Variants in OLA1 observed in about 807,000 individuals in gnomAD.
OLA1 encodes obg-like ATPase 1.
In OLA1, 14 loss-of-function variants were observed where a neutral mutation model predicts 48.4. The ratio of observed to expected loss-of-function variants is 0.29; its 90% CI spans 0.19 to 0.45. OLA1 has a LOEUF of 0.45. OLA1 is among the 20% of genes least tolerant of loss of function. OLA1 has a pLI of 1.00. For synonymous variants in OLA1, 127 were observed against 150.4 expected (o/e 0.84, Z 1.14); for missense variants, 325 against 467.1 (o/e 0.70, Z 2.80).
intron 4 of OLA1, among the ~76,000 whole-genome samples, chr2:174,216,527 A>G (rs1358165397): frequency 6.6e-6 from 1 of 152,144 alleles, no homozygotes; most frequent in Non-Finnish European, 1.5e-5. Flanking sequence ...TCAATAAAAT[A>G]CAGTATAGTA....
chr2:174,110,479 C>G (rs1177566963), intron 7 of OLA1, among the ~76,000 whole-genome samples: 1 of 151,604 alleles, frequency 6.6e-6, no homozygotes, highest in African/African-American at 2.4e-5. Flanking sequence ...GGGTGTCACT[C>G]TGTCACCCAG....
intron 7 of OLA1, among the ~76,000 whole-genome samples, chr2:174,086,711 C>T (rs918976459): frequency 3.9e-5 from 6 of 152,152 alleles, no homozygotes; most frequent in African/African-American, 9.7e-5. Flanking sequence ...ACAGTGGATA[C>T]GCTGGACAAA....
intron 4 of OLA1, among the ~76,000 whole-genome samples, chr2:174,173,366 C>T (rs1206060330): frequency 6.6e-6 from 1 of 152,212 alleles, no homozygotes; most frequent in Non-Finnish European, 1.5e-5. Context: ...GAACTATTTT[C>T]ATTACCTATA....
intron 7 of OLA1, among the ~76,000 whole-genome samples, chr2:174,096,551 C>T (rs751045817): frequency 6.6e-6 from 1 of 151,960 alleles, no homozygotes; most frequent in Non-Finnish European, 1.5e-5. Context: ...ATAGTATGGG[C>T]CAATAGAAAA....
At position 174,242,946 on chromosome 2, in the gene OLA1, C is replaced by T. The variant is rs186455654; in HGVS notation, c.101+3769G>A. 5.8e-4 allele frequency among the ~76,000 whole-genome samples: 88 copies of T among 152,220 alleles called. 1 individual carries two copies. The East Asian group carries it at 0.013, about 23-fold the overall frequency. On this transcript the variant is annotated intron_variant, in intron 2 of 10. Coordinates refer to ENST00000284719, the MANE Select transcript of OLA1 (RefSeq NM_013341.5). The stretch of plus-strand genomic sequence containing the variant: ...CATTTAATTGCCCAGCACGGTGGCT[C>T]ACACCTGTAATTCCAGCAGGCGTGA...
chr2:174,087,697 C>T (rs1685015416), intron 7 of OLA1, among the ~76,000 whole-genome samples: 3 of 152,052 alleles, frequency 2.0e-5, no homozygotes, highest in Admixed American at 2.0e-4. Flanking sequence ...AAAACACAAC[C>T]CTGAAATAGT....
chr2:174,089,037 T>C (rs1685046049), intron 7 of OLA1, among the ~76,000 whole-genome samples: 1 of 151,716 alleles, frequency 6.6e-6, no homozygotes, highest in Non-Finnish European at 1.5e-5. Context: ...ATCACTTGAG[T>C]GTGTGATAGA....
intron 7 of OLA1, among the ~76,000 whole-genome samples, chr2:174,088,672 T>A (rs1332765601): frequency 6.6e-6 from 1 of 152,130 alleles, no homozygotes; most frequent in Non-Finnish European, 1.5e-5. Context: ...ACCAAAAAAG[T>A]AAATTCTAGT....
intron 4 of OLA1, among the ~76,000 whole-genome samples, chr2:174,171,431 T>TA (rs902870526): frequency 3.9e-5 from 6 of 152,058 alleles, no homozygotes; most frequent in Non-Finnish European, 7.4e-5. Flanking sequence ...CCCTATCTAT[T>TA]AAAAAAAATT....
chr2:174,201,547 C>T (rs1687990197), intron 4 of OLA1, among the ~76,000 whole-genome samples: 1 of 152,100 alleles, frequency 6.6e-6, no homozygotes, highest in African/African-American at 2.4e-5. Flanking sequence ...GAAGGGGGGT[C>T]TCACTATGTT....
intron 7 of OLA1, among the ~76,000 whole-genome samples, chr2:174,094,855 A>C (rs67712092): frequency 0.11 from 17,363 of 152,136 alleles, 2,235 homozygotes; most frequent in East Asian, 0.71. Context: ...TGTTTTTATG[A>C]GTTTGACTAC....
At chr2:174,095,753 G>T (rs1172930647) in intron 7 of OLA1, among the ~76,000 whole-genome samples, 1 of 151,914 alleles carries the variant, frequency 6.6e-6, no homozygotes, top group Admixed American at 6.6e-5. Flanking sequence ...CCACAGAATG[G>T]GATAAAATAT....
chr2:174,142,021 G>A (rs776174836), intron 4 of OLA1, 21 bp from the exon 5 acceptor site: 1 of 1,604,896 alleles, frequency 6.2e-7, no homozygotes, highest in Non-Finnish European at 8.5e-7. Flanking sequence ...TTAAAGGGAA[G>A]CAATTCAATA....
intron 4 of OLA1, among the ~76,000 whole-genome samples, chr2:174,217,446 TAC>T (rs902939340): frequency 1.5e-5 from 2 of 136,444 alleles, no homozygotes; most frequent in African/African-American, 6.2e-5. Context: ...TTCCAACGCT[TAC>T]AGTGCTGAAA....
chr2:174,081,778 A>G, intron 8 of OLA1, 146 bp downstream of exon 8: 1 of 754,396 alleles, frequency 1.3e-6, no homozygotes, highest in Non-Finnish European at 2.1e-6. Context: ...AAATCTTTTC[A>G]CTCTGTCTCA....
chr2:174,098,760 AG>A (rs1010766929), intron 7 of OLA1, among the ~76,000 whole-genome samples: 8 of 152,242 alleles, frequency 5.3e-5, no homozygotes, highest in Non-Finnish European at 2.9e-5. Context: ...GAAAATGCTT[AG>A]CATGGTATCT....
rs201031768 is a variant in OLA1 at position 174,075,527 on chromosome 2, C to T, written c.1090G>A (p.Ala364Thr). The T allele has an allele frequency of 4.4e-6, 7 of 1,590,144 alleles. No individual in the cohort carries two copies. Among genetic ancestry groups the T allele is most frequent in the Non-Finnish European group, 6.0e-6 (7 of 1,159,832 alleles). Residue 364 changes from alanine to threonine, a missense_variant and splice_region_variant, in exon 11 of 11, where the codon GCT becomes ACT. Transcript: ENST00000284719. ...KEEGSENAVK[A>T]AGKYRQQGRN... Reference sequence around the variant, plus strand: ...CCTTGTTGTCTGTACTTTCCAGCAGCCTGCAAACAGAAAATATAGAGGAAA... The same window carrying T: ...CCTTGTTGTCTGTACTTTCCAGCAGTCTGCAAACAGAAAATATAGAGGAAA...
In OLA1 at chr2:174,236,981, A is replaced by G. The variant is rs562689961; in HGVS notation, c.102-7530T>C. Among the ~76,000 whole-genome samples the G allele has an allele frequency of 9.9e-5, 15 of 152,066 alleles. No individual in the cohort carries two copies. The South Asian group carries it at 1.2e-3, about 13-fold the overall frequency. The stretch of plus-strand genomic sequence containing the variant: ...ACATTGTACATTCAGGATACACTAA[A>G]ATTATTTTTTAATATTTTTCTTTCT... On this transcript the variant is annotated intron_variant, in intron 2 of 10. Coordinates refer to ENST00000284719, the MANE Select transcript of OLA1 (RefSeq NM_013341.5).
At chr2:174,111,908 C>T (rs1305394902) in intron 7 of OLA1, among the ~76,000 whole-genome samples, 2 of 152,106 alleles carry the variant, frequency 1.3e-5, no homozygotes, top group Non-Finnish European at 2.9e-5. Flanking sequence ...TATATAAACT[C>T]TTTTATGTAC....
Sources: allele counts gnomAD v4.1 joint callset (sites outside exome capture counted in the v4.1 genomes callset), GRCh38; gene constraint gnomAD v4.1.1; transcripts MANE v1.5; gene names NCBI Gene and HGNC (gene_info 2026-07-23, HGNC 2026-07-21).